The following FBN1 variants were observed in gnomAD, a reference collection of about 807,000 sequenced individuals.
The protein encoded by FBN1 is fibrillin 1.
A neutral mutation model predicts 365.1 loss-of-function variants in FBN1; 29 were observed. The observed-to-expected ratio is 0.08, with a 90% CI of 0.06 to 0.11. The LOEUF is 0.11. Among genes scored for constraint, FBN1 ranks in the 10% least tolerant of loss-of-function variants. The pLI, the probability that FBN1 is intolerant of heterozygous loss-of-function variation, is 1.00. For missense variants in FBN1, 2,476 were observed against 3,703.2 expected (o/e 0.67, Z 8.60); for synonymous variants, 1,210 against 1,270.5 (o/e 0.95, Z 1.01).
intron 2 of FBN1, among the ~76,000 whole-genome samples, chr15:48,630,746 AAAAAG>A (rs1013867619): frequency 1.4e-5 from 2 of 145,398 alleles, no homozygotes; most frequent in Non-Finnish European, 3.0e-5. Context: ...AAAAAAAAAA[AAAAAG>A]AAAAGAAAAG....
intron 7 of FBN1, among the ~76,000 whole-genome samples, chr15:48,535,003 A>G (rs962291221): frequency 6.6e-6 from 1 of 151,892 alleles, no homozygotes; most frequent in Non-Finnish European, 1.5e-5. Context: ...CCACCCTCCT[A>G]TCTCTCCCAC....
intron 6 of FBN1, among the ~76,000 whole-genome samples, chr15:48,538,734 A>G (rs1263613703): frequency 6.6e-6 from 1 of 152,160 alleles, no homozygotes; most frequent in Non-Finnish European, 1.5e-5. Context: ...ACCTTGACAG[A>G]CAAGGGAGGC....
chr15:48,447,449 T>C (rs775990829), intron 46 of FBN1, among the ~76,000 whole-genome samples: 2 of 152,204 alleles, frequency 1.3e-5, no homozygotes, highest in Admixed American at 6.5e-5. Context: ...TGCATTCTTA[T>C]TCGCCTTTTG....
At chr15:48,420,648 G>C (rs1225560667) in intron 63 of FBN1, 39 bp downstream of exon 63, 8 of 1,613,010 alleles carry the variant, frequency 5.0e-6, no homozygotes, top group Non-Finnish European at 6.8e-6. Flanking sequence ...CATAGGACCT[G>C]ATAGCCATGC....
chr15:48,555,804 T>C (rs1035658399), intron 6 of FBN1, among the ~76,000 whole-genome samples: 5 of 152,214 alleles, frequency 3.3e-5, no homozygotes, highest in African/African-American at 4.8e-5. Flanking sequence ...GATGAGCTCA[T>C]GTGAAGTTAA....
At chr15:48,644,509 T>G in intron 2 of FBN1, 97 bp downstream of exon 2, 1 of 1,575,218 alleles carries the variant, frequency 6.3e-7, no homozygotes, top group Non-Finnish European at 8.7e-7. Context: ...CAGGAGGTCT[T>G]GCCAAGGAGT....
At chr15:48,471,349 T>C (rs180814737) in intron 35 of FBN1, among the ~76,000 whole-genome samples, 269 of 152,248 alleles carry the variant, frequency 1.8e-3, no homozygotes, top group African/African-American at 6.4e-3. Flanking sequence ...TAAATAGCCA[T>C]GACCACTCCA....
intron 2 of FBN1, among the ~76,000 whole-genome samples, chr15:48,630,242 G>C (rs1889959296): frequency 6.6e-6 from 1 of 152,262 alleles, no homozygotes; most frequent in East Asian, 1.9e-4. Flanking sequence ...TTGGGGGAAG[G>C]GGTTTTTGTG....
chr15:48,561,023 T>C (rs1444859373), intron 6 of FBN1, among the ~76,000 whole-genome samples: 1 of 152,210 alleles, frequency 6.6e-6, no homozygotes, highest in Non-Finnish European at 1.5e-5. Context: ...ACAGGGAGTT[T>C]TCATCAGTAT....
chr15:48,425,301 C>G, intron 60 of FBN1, 68 bp downstream of exon 60: 1 of 1,608,030 alleles, frequency 6.2e-7, no homozygotes, highest in Non-Finnish European at 8.5e-7. Context: ...CTGTGGAGTT[C>G]TTACAGGCAA....
At chr15:48,565,160 T>C (rs2044250994) in intron 6 of FBN1, among the ~76,000 whole-genome samples, 2 of 152,212 alleles carry the variant, frequency 1.3e-5, no homozygotes, top group South Asian at 4.1e-4. Flanking sequence ...GTCTCTCACC[T>C]CCCCTATTCC....
intron 2 of FBN1, chr15:48,641,062 T>C (rs1041355235): frequency 2.6e-5 from 4 of 152,218 alleles, no homozygotes; most frequent in Non-Finnish European, 4.4e-5. Flanking sequence ...AGAAAACTAC[T>C]ATACATTTAT....
intron 2 of FBN1, among the ~76,000 whole-genome samples, chr15:48,638,204 T>C (rs538384456): frequency 7.2e-5 from 11 of 151,836 alleles, no homozygotes; most frequent in Admixed American, 2.0e-4. Flanking sequence ...CCAGCCCTAA[T>C]AGACTTTCAC....
At position 48,463,252 on chromosome 15, in the gene FBN1, G is replaced by GT. The variant is rs774517414; in HGVS notation, c.5066-13dup. On this transcript the variant is annotated splice_polypyrimidine_tract_variant and intron_variant, in intron 41 of 65. Transcript: ENST00000316623. ...ACTTCTTCTCATATCTAGAAGGGAG[G>GT]TAAAAAAAAGGATTGGAGGGTTGGT... 2.4e-5 allele frequency: 38 copies of GT among 1,612,398 alleles called. 1 individual carries two copies. Among genetic ancestry groups the GT allele is most frequent in the African/African-American group, 2.0e-4 (15 of 74,656 alleles).
intron 39 of FBN1, 27 bp from the exon 40 acceptor site, chr15:48,465,720 C>T (rs761675027): frequency 5.0e-6 from 8 of 1,613,882 alleles, no homozygotes; most frequent in East Asian, 4.5e-5. Flanking sequence ...AAAGGCATTC[C>T]TTTAGCATTG....
At chr15:48,627,722 G>A (rs1195766081) in intron 2 of FBN1, among the ~76,000 whole-genome samples, 2 of 152,208 alleles carry the variant, frequency 1.3e-5, no homozygotes, top group Non-Finnish European at 2.9e-5. Context: ...AGTGGTGACT[G>A]TCCTCATTCC....
chr15:48,452,097 T>G (rs761667659), intron 45 of FBN1, among the ~76,000 whole-genome samples: 2 of 152,240 alleles, frequency 1.3e-5, no homozygotes, highest in Non-Finnish European at 2.9e-5. Flanking sequence ...TTCTGCAGAT[T>G]AATCTGACCC....
intron 53 of FBN1, 148 bp downstream of exon 53, chr15:48,436,813 C>T: frequency 1.4e-6 from 1 of 694,426 alleles, no homozygotes; most frequent in Non-Finnish European, 2.7e-6. Context: ...TGGTGACTCA[C>T]TAGTATTCTA....
At chr15:48,606,232 T>C (rs1228774005) in intron 4 of FBN1, among the ~76,000 whole-genome samples, 1 of 152,156 alleles carries the variant, frequency 6.6e-6, no homozygotes, top group Non-Finnish European at 1.5e-5. Flanking sequence ...TGTGTATTTA[T>C]CCCAGAGAAC....
Sources: gnomAD v4.1 joint callset for allele counts (sites outside exome capture counted in the v4.1 genomes callset) on GRCh38, gnomAD v4.1.1 for gene constraint, MANE v1.5 for transcripts, NCBI Gene and HGNC (gene_info 2026-07-23, HGNC 2026-07-21) for gene names.